Variants in MYO18A observed in about 807,000 individuals in gnomAD.
MYO18A encodes the protein myosin XVIIIA.
In MYO18A, 78 loss-of-function variants were observed where a neutral mutation model predicts 235.8. That is an observed-to-expected ratio of 0.33 (90% CI 0.28 to 0.40). The LOEUF (loss-of-function observed/expected upper bound fraction) is 0.40, where lower values mean the gene tolerates loss of function less well. Ranked by LOEUF, MYO18A falls within the 10% of genes least tolerant of loss-of-function variation. MYO18A has a pLI of 1.00. For synonymous variants in MYO18A, 977 were observed against 1,077.8 expected, an observed-to-expected ratio of 0.91 and a Z score of 1.83; for missense variants, 2,215 against 2,699.3, an observed-to-expected ratio of 0.82 and a Z score of 3.98.
At chr17:29,107,009 G>A in intron 20 of MYO18A, 71 bp downstream of exon 20, 2 of 1,429,322 alleles carry the variant, frequency 1.4e-6, no homozygotes, top group South Asian at 2.3e-5. Context: ...AGGGAAGGCA[G>A]ATGAGTCTGG....
At chr17:29,090,657 A>G in intron 35 of MYO18A, 42 bp from the exon 36 acceptor site, 1 of 1,583,396 alleles carries the variant, frequency 6.3e-7, no homozygotes, top group Non-Finnish European at 8.6e-7. Context: ...ATCCCCCATA[A>G]GCATTCAACC....
Position 29,165,998 on chromosome 17 carries a change from C to G in MYO18A, c.943G>C (p.Glu315Gln). The G allele has an allele frequency of 5.6e-6, 9 of 1,613,614 alleles. No individual in the cohort carries two copies. Among genetic ancestry groups the G allele is most frequent in the Non-Finnish European group, 7.6e-6 (9 of 1,179,896 alleles). Residue 315 changes from glutamate (E) to glutamine (Q), a missense_variant, in exon 2 of 42, where the codon GAG becomes CAG. By Grantham distance (29) the Glu-to-Gln change is conservative. Transcript: ENST00000527372. ...CTCCGCAGCCAGCTCCTGCTGAGCT[C>G]GCTGAGCTCTGGAATGGGCTGCACC... ...LKVQPIPELSELSRSWLRSGE... is the reference protein window; with the variant it reads ...LKVQPIPELSQLSRSWLRSGE...
chr17:29,075,255 T>G, intron 41 of MYO18A: 1 of 235,354 alleles, frequency 4.2e-6, no homozygotes, highest in African/African-American at 2.2e-5. Context: ...TTTTCAGTCC[T>G]TCCCCAGAAG....
chr17:29,146,320 G>A (rs1209513561), intron 2 of MYO18A, among the ~76,000 whole-genome samples: 2 of 152,290 alleles, frequency 1.3e-5, no homozygotes, highest in East Asian at 3.9e-4. Context: ...ATGAGATGTG[G>A]ACAGTAAGTC....
In MYO18A at chr17:29,121,553, A is replaced by G. The variant is rs750473962; in HGVS notation, c.1365T>C (p.Ser455=). 83 of 1,602,114 alleles carry G rather than the reference A, an allele frequency of 5.2e-5. No individual in the cohort carries two copies. Among genetic ancestry groups the G allele is most frequent in the Non-Finnish European group, 6.9e-5 (81 of 1,175,038 alleles). ...LGPRGAPAVY[S]EKVMHMFKGC... is the part of the protein sequence containing the mutation. Reference sequence around the variant, plus strand: ...AGCCTTGAGGGTGCTGCACCTTCTCAGAGTACACAGCAGGGGCCCCACGGG... The same window carrying G: ...AGCCTTGAGGGTGCTGCACCTTCTCGGAGTACACAGCAGGGGCCCCACGGG... The change falls in exon 5 of 42, where the codon TCT becomes TCC. Residue 455 remains serine (S), a synonymous_variant. Coordinates refer to ENST00000527372, the MANE Select transcript of MYO18A (RefSeq NM_078471.4). This position sits in a 1 kb window ranked among gnomAD's most constrained non-coding sequence, Gnocchi z 4.2.
intron 21 of MYO18A, among the ~76,000 whole-genome samples, chr17:29,100,317 G>T (rs995914473): frequency 6.6e-6 from 1 of 152,224 alleles, no homozygotes; most frequent in Non-Finnish European, 1.5e-5. Context: ...AAGGGGGGTG[G>T]TGGGAAGCTC....
At position 29,121,202 on chromosome 17, in the gene MYO18A, T is replaced by G. The variant is rs780656034; in HGVS notation, c.1381A>C (p.Met461Leu). 3.0e-5 allele frequency: 48 copies of G among 1,606,680 alleles called. No homozygotes were observed. In the South Asian group the frequency reaches 3.8e-4, roughly 13 times the overall value. ...PAVYSEKVMH[M>L]FKGCRREDMA... ...TCCTCCCGCCGACAACCCTTGAACA[T>G]GTGCATCACCTTGGGCAGGAGAGCA... The change falls in exon 6 of 42, where the codon ATG becomes CTG. Residue 461 changes from methionine to leucine, a missense_variant. Met to Leu is a conservative substitution (Grantham distance 15). Transcript: ENST00000527372. The surrounding 1 kb of genome is among the most constrained non-coding windows in gnomAD (Gnocchi z 4.2).
intron 22 of MYO18A, among the ~76,000 whole-genome samples, chr17:29,099,192 A>G (rs1006635861): frequency 2.8e-4 from 43 of 152,028 alleles, no homozygotes; most frequent in Non-Finnish European, 4.1e-4. Context: ...GCTGGGCACT[A>G]GCCACTCCAC....
intron 37 of MYO18A, among the ~76,000 whole-genome samples, chr17:29,089,419 CAAAAAAAAAAAA>C (rs56389977): frequency 4.2e-5 from 1 of 23,810 alleles, no homozygotes; most frequent in African/African-American, 1.5e-4. Flanking sequence ...GACTCTGTCT[CAAAAAAAAAAAA>C]AAAAAAAAAA....
At chr17:29,177,913 C>T (rs9907745) in intron 1 of MYO18A, among the ~76,000 whole-genome samples, 11,362 of 152,226 alleles carry the variant, frequency 0.075, 572 homozygotes, top group South Asian at 0.16. Context: ...GCCCTGCTGC[C>T]CTGAAGACCT....
At chr17:29,115,481 G>A (rs1291406355) in intron 12 of MYO18A, 40 bp from the exon 13 acceptor site, 1 of 1,598,172 alleles carries the variant, frequency 6.3e-7, no homozygotes, top group African/African-American at 1.3e-5. Flanking sequence ...CTTCTCCCCA[G>A]GGCTCCCCAT....
chr17:29,115,008 C>T lies in MYO18A; in HGVS notation c.2410G>A (p.Gly804Arg), dbSNP rs763171966. 6.2e-6 allele frequency: 10 copies of T among 1,613,884 alleles called. No individual in the cohort carries two copies. The highest frequency in any genetic ancestry group is 4.5e-5 in the East Asian group (2 of 44,892). Residue 804 changes from glycine to arginine, a missense_variant, in exon 14 of 42, where the codon GGA (glycine) becomes AGA (arginine). Gly to Arg is a moderately radical substitution (Grantham distance 125). Coordinates refer to ENST00000527372, the MANE Select transcript of MYO18A (RefSeq NM_078471.4). Reference protein sequence around the residue: ...QNPEQGGSARGASFEELCHNY... With the variant: ...QNPEQGGSARRASFEELCHNY... ...TGGCACAGCTCCTCAAAGGAGGCTC[C>T]GCGGGCTGACCCACCCTGCTCAGGG...
intron 2 of MYO18A, among the ~76,000 whole-genome samples, chr17:29,149,815 A>C (rs2067931079): frequency 6.6e-6 from 1 of 152,162 alleles, no homozygotes; most frequent in Admixed American, 6.5e-5. Context: ...ATCCTTTCCC[A>C]AAATCCTCCA....
Position 29,092,413 on chromosome 17 carries a change from C to T in MYO18A, c.5117G>A (p.Arg1706Gln), listed in dbSNP as rs369654055. The T allele has an allele frequency of 6.2e-6, 10 of 1,612,548 alleles. No homozygotes were observed. Among genetic ancestry groups the T allele is most frequent in the African/African-American group, 2.7e-5 (2 of 74,920 alleles). ...TTCGATCTCCACCTCCATTGCTTTC[C>T]GTGCTTTCACGGCTGCCGCACAGGT... The part of the protein sequence containing the change: ...EFTCAAAVKA[R>Q]KAMEVEIEDL... The change falls in exon 34 of 42, where the codon CGG becomes CAG. Residue 1706 changes from arginine to glutamine, a missense_variant. Arg to Gln is a conservative substitution (Grantham distance 43). Coordinates refer to ENST00000527372, the MANE Select transcript of MYO18A (RefSeq NM_078471.4).
chr17:29,085,505 C>T, intron 40 of MYO18A, 99 bp downstream of exon 40: 1 of 1,046,644 alleles, frequency 9.6e-7, no homozygotes, highest in Non-Finnish European at 1.5e-6. Context: ...GAGGCTGTAT[C>T]CACATGCTGC....
chr17:29,154,121 TGCGCGCGC>T (rs1555539119), intron 2 of MYO18A, among the ~76,000 whole-genome samples: 3 of 149,084 alleles, frequency 2.0e-5, no homozygotes, highest in Admixed American at 6.6e-5. Context: ...TGTGTGTGTG[TGCGCGCGC>T]GTGCGTGTGT....
chr17:29,081,432 G>T (rs2066120685), intron 41 of MYO18A, among the ~76,000 whole-genome samples: 1 of 152,192 alleles, frequency 6.6e-6, no homozygotes, highest in Non-Finnish European at 1.5e-5. Context: ...AGAGGGGGCT[G>T]CTGGGTGCTT....
chr17:29,174,806 C>A lies in MYO18A; in HGVS notation c.-82+5507G>T, dbSNP rs544013686. Among the ~76,000 whole-genome samples, 57 of 151,880 alleles carry A rather than the reference C, an allele frequency of 3.8e-4. No individual in the cohort carries two copies. The East Asian group carries it at 9.3e-3, about 25-fold the overall frequency. On this transcript the variant is annotated intron_variant, in intron 1 of 41. Transcript: ENST00000527372. ...CTCCAGCCTGCGCGAAAGGGCGAGA[C>A]TCTGTCTCAAAAAAAAAAGCTAAAT...
intron 38 of MYO18A, 31 bp from the exon 39 acceptor site, chr17:29,086,608 G>A: frequency 6.2e-7 from 1 of 1,608,554 alleles, no homozygotes; most frequent in East Asian, 2.2e-5. Flanking sequence ...CAGTTTGCAG[G>A]AGGGCTAGCT....
Sources: allele counts gnomAD v4.1 joint callset (sites outside exome capture counted in the v4.1 genomes callset), GRCh38; gene constraint gnomAD v4.1.1; non-coding constraint Gnocchi (gnomAD v3.1); transcripts MANE v1.5; gene names NCBI Gene and HGNC (gene_info 2026-07-23, HGNC 2026-07-21).